ITSN1: variants seen among roughly 807,000 people sequenced by gnomAD.
ITSN1 encodes the protein intersectin-1.
In ITSN1, 58 loss-of-function variants were observed where a neutral mutation model predicts 239.8. The observed-to-expected ratio is 0.24, with a 90% CI of 0.20 to 0.30. The LOEUF (loss-of-function observed/expected upper bound fraction) is 0.30. Among genes scored for constraint, ITSN1 ranks in the 10% least tolerant of loss-of-function variants. ITSN1 has a pLI of 1.00. For synonymous variants in ITSN1, 780 were observed against 770.8 expected (o/e 1.01, Z -0.20); for missense variants, 1,558 against 2,103.3 (o/e 0.74, Z 5.07).
At chr21:33,805,148 A>G (rs896381472) in intron 20 of ITSN1, among the ~76,000 whole-genome samples, 1 of 152,198 alleles carries the variant, frequency 6.6e-6, no homozygotes, top group Non-Finnish European at 1.5e-5. Context: ...AATTTCAGGA[A>G]CCGCTGATCT....
At chr21:33,747,015 G>T (rs542457079) in intron 5 of ITSN1, among the ~76,000 whole-genome samples, 1 of 152,140 alleles carries the variant, frequency 6.6e-6, no homozygotes, top group Non-Finnish European at 1.5e-5. Context: ...TTAGCTGGGC[G>T]TGGTGGCAGA....
In ITSN1 at chr21:33,888,331, C is replaced by T. The variant is rs973447432; in HGVS notation, c.*31C>T. 1 of 1,583,510 alleles carries T rather than the reference C, an allele frequency of 6.3e-7. No individual in the cohort carries two copies. The highest frequency in any genetic ancestry group is 1.4e-5 in the African/African-American group (1 of 73,958). On this transcript the variant is annotated 3_prime_UTR_variant, in exon 40 of 40. Transcript: ENST00000381318. ...GGGCTCAGGGTGTGCTCAGCAGGGT[C>T]CCAGCCCACGGCCACACATGCTGTC...
chr21:33,697,122 G>A (rs570557513), intron 1 of ITSN1, among the ~76,000 whole-genome samples: 38 of 148,338 alleles, frequency 2.6e-4, no homozygotes, highest in South Asian at 4.3e-4. Flanking sequence ...TCACTCTGTC[G>A]CCCAAGTTGG....
At chr21:33,815,611 C>T (rs1345808848) in intron 22 of ITSN1, among the ~76,000 whole-genome samples, 3 of 152,094 alleles carry the variant, frequency 2.0e-5, no homozygotes, top group South Asian at 4.2e-4. Flanking sequence ...GAGTGAGGGG[C>T]CTCGGGAAAG....
chr21:33,770,506 A>C (rs2069075413), intron 11 of ITSN1, among the ~76,000 whole-genome samples: 1 of 152,224 alleles, frequency 6.6e-6, no homozygotes, highest in East Asian at 1.9e-4. Flanking sequence ...AGTGCCTTGC[A>C]GCCACAACCT....
intron 16 of ITSN1, among the ~76,000 whole-genome samples, chr21:33,791,562 CTT>C (rs2071135520): frequency 6.6e-6 from 1 of 152,064 alleles, no homozygotes; most frequent in Admixed American, 6.5e-5. Flanking sequence ...TTCAAAATCA[CTT>C]TTTCTTACAA....
At chr21:33,835,425 A>G (rs957441575) in intron 28 of ITSN1, among the ~76,000 whole-genome samples, 1 of 152,160 alleles carries the variant, frequency 6.6e-6, no homozygotes, top group Non-Finnish European at 1.5e-5. Flanking sequence ...GCCTAAACCT[A>G]TTTATTAATA....
At chr21:33,696,889 A>G (rs914196510) in intron 1 of ITSN1, among the ~76,000 whole-genome samples, 4 of 152,228 alleles carry the variant, frequency 2.6e-5, no homozygotes, top group African/African-American at 7.2e-5. Flanking sequence ...ATTTAGAGGT[A>G]TACAATTTAA....
chr21:33,820,887 A>C (rs1555938449), intron 24 of ITSN1, among the ~76,000 whole-genome samples: 1 of 152,172 alleles, frequency 6.6e-6, no homozygotes, highest in Non-Finnish European at 1.5e-5. Context: ...TGTTACATCC[A>C]ATCAAGGCTC....
Position 33,882,882 on chromosome 21 carries a change from A to G in ITSN1, c.4554+427A>G, listed in dbSNP as rs1372824066. 6.6e-6 allele frequency among the ~76,000 whole-genome samples: 1 copy of G among 152,198 alleles called. No individual in the cohort carries two copies. Among genetic ancestry groups the G allele is most frequent in the Non-Finnish European group, 1.5e-5 (1 of 68,036 alleles). ...GAAACATCCGAGCCCCCTCCTTTCTAGCAAAGTCTCTCTAAACAGTTGATA... is the reference window on the plus strand; with the variant it reads ...GAAACATCCGAGCCCCCTCCTTTCTGGCAAAGTCTCTCTAAACAGTTGATA... On this transcript the variant is annotated intron_variant, in intron 35 of 39. Coordinates refer to ENST00000381318, the MANE Select transcript of ITSN1 (RefSeq NM_003024.3). The surrounding 1 kb of genome is among the most constrained non-coding windows in gnomAD (Gnocchi z 4.5).
At chr21:33,697,760 T>G (rs2091860554) in intron 1 of ITSN1, among the ~76,000 whole-genome samples, 1 of 152,196 alleles carries the variant, frequency 6.6e-6, no homozygotes, top group South Asian at 2.1e-4. Context: ...AGGAACTTGA[T>G]ATAATGTTTT....
rs374248527 is a variant in ITSN1 at position 33,784,306 on chromosome 21, A to G, written c.1824+2173A>G. Among the ~76,000 whole-genome samples the G allele has an allele frequency of 6.6e-3, 643 of 96,886 alleles. 7 individuals are homozygous for G. Among genetic ancestry groups the G allele is most frequent in the African/African-American group, 0.023 (611 of 26,898 alleles). The allele number at this position is 96,886 out of a possible 152,430, so 63.6% of individuals were successfully genotyped here. A position where few individuals can be genotyped will look rare whatever the true frequency, so the allele number is the denominator to read the frequency against. The stretch of plus-strand genomic sequence containing the variant: ...GGCAAAAGGGTGAAGCCCTGTCTCT[A>G]CAAAACACACACACACACACACACA... On this transcript the variant is annotated intron_variant, in intron 16 of 39. Coordinates refer to ENST00000381318, the MANE Select transcript of ITSN1 (RefSeq NM_003024.3).
At chr21:33,667,048 G>A (rs1416869280) in intron 1 of ITSN1, among the ~76,000 whole-genome samples, 1 of 151,946 alleles carries the variant, frequency 6.6e-6, no homozygotes, top group Admixed American at 6.6e-5. Context: ...GAACTCCTGG[G>A]CTTAAGTGAT....
chr21:33,805,944 C>T (rs541014551), intron 20 of ITSN1, among the ~76,000 whole-genome samples: 2 of 146,898 alleles, frequency 1.4e-5, no homozygotes, highest in Admixed American at 1.4e-4. Context: ...TGGCTCACGC[C>T]TGTAATCCCA....
Position 33,882,824 on chromosome 21 carries a change from CTA to C in ITSN1, c.4554+370_4554+371del, listed in dbSNP as rs1312199897. 6.6e-6 allele frequency among the ~76,000 whole-genome samples: 1 copy of C among 152,168 alleles called. No individual in the cohort carries two copies. The highest frequency in any genetic ancestry group is 1.9e-4 in the East Asian group (1 of 5,186). ...GGCCCACCGTCGCCTCCAAACAGTCCTAAGTCCCCTGCCAGACTTCTCCAGGT... is the reference window on the plus strand; with the variant it reads ...GGCCCACCGTCGCCTCCAAACAGTCCAGTCCCCTGCCAGACTTCTCCAGGT... On this transcript the variant is annotated intron_variant, in intron 35 of 39. Transcript: ENST00000381318. This position sits in a 1 kb window ranked among gnomAD's most constrained non-coding sequence, Gnocchi z 4.5.
At chr21:33,719,173 G>C (rs549745069) in intron 2 of ITSN1, among the ~76,000 whole-genome samples, 9 of 152,330 alleles carry the variant, frequency 5.9e-5, no homozygotes, top group Admixed American at 5.9e-4. Flanking sequence ...GGGCATGGTG[G>C]CTCACGCCTG....
chr21:33,778,571 C>CTCTTTT (rs1244255072), intron 14 of ITSN1, among the ~76,000 whole-genome samples: 1 of 63,952 alleles, frequency 1.6e-5, no homozygotes, highest in Non-Finnish European at 2.5e-5. Context: ...ATAATATTCT[C>CTCTTTT]TTTTTTTTTT....
intron 15 of ITSN1, among the ~76,000 whole-genome samples, chr21:33,781,769 G>A (rs1322763480): frequency 6.6e-6 from 1 of 151,986 alleles, no homozygotes; most frequent in East Asian, 1.9e-4. Flanking sequence ...AGTAGAGATG[G>A]GGTTTCACTA....
At chr21:33,779,247 A>G (rs1487040969) in intron 14 of ITSN1, among the ~76,000 whole-genome samples, 1 of 151,558 alleles carries the variant, frequency 6.6e-6, no homozygotes, top group Non-Finnish European at 1.5e-5. Context: ...CTCAAGCTTC[A>G]TAAGGAGGAA....
Sources: gnomAD v4.1 joint callset for allele counts (sites outside exome capture counted in the v4.1 genomes callset) on GRCh38, gnomAD v4.1.1 for gene constraint, Gnocchi (gnomAD v3.1) non-coding constraint, MANE v1.5 for transcripts, NCBI Gene and HGNC (gene_info 2026-07-23, HGNC 2026-07-21) for gene names.